Variants in KIF13B observed in about 807,000 individuals in gnomAD.
KIF13B encodes the protein kinesin family member 13B.
KIF13B carries 127 observed loss-of-function variants against 222.0 expected under a neutral mutation model. The ratio of observed to expected loss-of-function variants is 0.57; its 90% CI spans 0.50 to 0.66. The LOEUF is 0.66. Ranked by LOEUF, KIF13B falls within the 30% of genes least tolerant of loss-of-function variation. The probability of loss-of-function intolerance (pLI) is 0.00; values close to 1 mark genes in which losing one functional copy is unlikely to be tolerated. For synonymous variants in KIF13B, 976 were observed against 919.0 expected, an observed-to-expected ratio of 1.06 and a Z score of -1.12; for missense variants, 2,173 against 2,379.0, an observed-to-expected ratio of 0.91 and a Z score of 1.80.
chr8:29,197,561 T>C (rs1314558560), intron 2 of KIF13B, among the ~76,000 whole-genome samples: 1 of 152,108 alleles, frequency 6.6e-6, no homozygotes, highest in Non-Finnish European at 1.5e-5. Flanking sequence ...TGTTTTTTTT[T>C]CCTGAACCAT....
Position 29,179,696 on chromosome 8 carries a change from T to C in KIF13B, c.720+408A>G, listed in dbSNP as rs925592441. Among the ~76,000 whole-genome samples the C allele has an allele frequency of 2.6e-5, 4 of 152,182 alleles. No individual in the cohort carries two copies. The South Asian group carries it at 8.3e-4, about 32-fold the overall frequency. On this transcript the variant is annotated intron_variant, in intron 8 of 39. Coordinates refer to ENST00000524189, the MANE Select transcript of KIF13B (RefSeq NM_015254.4). ...GCGGGACTGGGGAAATGCAAGCACATTCTCCAGGTTCCAGGGTGCTACGAG... is the reference window on the plus strand; with the variant it reads ...GCGGGACTGGGGAAATGCAAGCACACTCTCCAGGTTCCAGGGTGCTACGAG...
chr8:29,123,142 A>G (rs1191921887), intron 28 of KIF13B, among the ~76,000 whole-genome samples: 1 of 152,240 alleles, frequency 6.6e-6, no homozygotes, highest in African/African-American at 2.4e-5. Flanking sequence ...TTAAGTTCTC[A>G]GAAATCTTAA....
chr8:29,079,694 C>T (rs1434217333), intron 37 of KIF13B, among the ~76,000 whole-genome samples: 1 of 152,166 alleles, frequency 6.6e-6, no homozygotes, highest in Non-Finnish European at 1.5e-5. Context: ...TTTTCTGATG[C>T]ATATTTTTTA....
intron 18 of KIF13B, 69 bp from the exon 19 acceptor site, chr8:29,142,372 C>A: frequency 7.4e-7 from 1 of 1,359,806 alleles, no homozygotes; most frequent in South Asian, 1.3e-5. Context: ...GACAATTCCA[C>A]CCCCATCAGT....
intron 31 of KIF13B, among the ~76,000 whole-genome samples, chr8:29,116,256 T>C (rs554824133): frequency 2.0e-5 from 3 of 152,064 alleles, no homozygotes; most frequent in African/African-American, 7.2e-5. Flanking sequence ...CTGCAAGAGG[T>C]AAAAGGTCTG....
rs10110171 is a variant in KIF13B at position 29,176,017 on chromosome 8, T to C, written c.945+51A>G. 3,181 of 1,086,578 alleles carry C rather than the reference T, an allele frequency of 2.9e-3. 54 individuals carry two copies. In the African/African-American group the frequency reaches 0.042, roughly 14 times the overall value. The allele number at this position is 1,086,578 out of a possible 1,614,324, so 67.3% of individuals were successfully genotyped here. Reference sequence around the variant, plus strand: ...TTAACAGTCTACTCTTTTTTCTTCCTTCTTGCCAACCACCAAAAGTATGCC... The same window carrying C: ...TTAACAGTCTACTCTTTTTTCTTCCCTCTTGCCAACCACCAAAAGTATGCC... On this transcript the variant is annotated intron_variant, in intron 10 of 39. Transcript: ENST00000524189.
At chr8:29,236,120 G>A (rs1054583885) in intron 2 of KIF13B, among the ~76,000 whole-genome samples, 21 of 151,832 alleles carry the variant, frequency 1.4e-4, no homozygotes, top group Admixed American at 5.9e-4. Flanking sequence ...AACAAACTTC[G>A]GGGAAAAAAA....
intron 9 of KIF13B, among the ~76,000 whole-genome samples, chr8:29,176,762 C>G (rs1216766120): frequency 6.6e-6 from 1 of 151,950 alleles, no homozygotes; most frequent in Non-Finnish European, 1.5e-5. Flanking sequence ...TGACCCAAAA[C>G]AGCAATAGGG....
At chr8:29,140,281 T>C in intron 20 of KIF13B, 90 bp from the exon 21 acceptor site, 1 of 1,547,738 alleles carries the variant, frequency 6.5e-7, no homozygotes. Flanking sequence ...AGTCAAGTTG[T>C]CAGGTTAATG....
Position 29,172,391 on chromosome 8 carries a change from C to T in KIF13B, c.945+3677G>A, listed in dbSNP as rs572726477. On this transcript the variant is annotated intron_variant, in intron 10 of 39. Coordinates refer to ENST00000524189, the MANE Select transcript of KIF13B (RefSeq NM_015254.4). ...GCCACCATGCCCAGCCAATCACATA[C>T]ATTTTTAAGGAAAAAGATAATGACA... is the stretch of plus-strand genomic sequence containing the variant. Among the ~76,000 whole-genome samples the T allele has an allele frequency of 5.3e-5, 8 of 152,184 alleles. No individual in the cohort carries two copies. In the East Asian group the frequency reaches 1.4e-3, roughly 26 times the overall value.
At chr8:29,218,341 A>G (rs974478985) in intron 2 of KIF13B, among the ~76,000 whole-genome samples, 9 of 152,208 alleles carry the variant, frequency 5.9e-5, no homozygotes, top group Non-Finnish European at 8.8e-5. Context: ...AGCTTTCCTC[A>G]TAAGCCGCAC....
intron 2 of KIF13B, among the ~76,000 whole-genome samples, chr8:29,228,472 A>AAAAAAAAAAAAAAGTATAT: frequency 8.5e-6 from 1 of 117,084 alleles, no homozygotes; most frequent in African/African-American, 3.3e-5. Context: ...ATCTTAAAAA[A>AAAAAAAAAAAAAAGTATAT]ATATATATAT....
intron 31 of KIF13B, among the ~76,000 whole-genome samples, chr8:29,115,326 A>ATT (rs371020041): frequency 7.3e-4 from 103 of 141,272 alleles, no homozygotes; most frequent in Admixed American, 1.8e-3. Context: ...AAAAAAAAGA[A>ATT]TTTTTTTTTT....
chr8:29,245,563 T>A lies in KIF13B; in HGVS notation c.56-124A>T. ...ATGCAAACACTCAATGAAGTAGGAATAAAAAAAACTTCCTCCACTTGATAA... is the reference window on the plus strand; with the variant it reads ...ATGCAAACACTCAATGAAGTAGGAAAAAAAAAAACTTCCTCCACTTGATAA... On this transcript the variant is annotated intron_variant, in intron 1 of 39. Coordinates refer to ENST00000524189, the MANE Select transcript of KIF13B (RefSeq NM_015254.4). 1 of 660,348 alleles carries A rather than the reference T, an allele frequency of 1.5e-6. No individual in the cohort carries two copies. The highest frequency in any genetic ancestry group is 3.1e-4 in the Middle Eastern group (1 of 3,228). 40.9% of individuals were successfully genotyped at this position (660,348 alleles called of 1,614,324 possible).
In KIF13B at chr8:29,228,472, A is replaced by AATATATATATAT. The variant is rs1491523107; in HGVS notation, c.149+16862_149+16873dup. Among the ~76,000 whole-genome samples, 458 of 117,064 alleles carry AATATATATATAT rather than the reference A, an allele frequency of 3.9e-3. 13 individuals carry two copies. Among genetic ancestry groups the AATATATATATAT allele is most frequent in the Admixed American group, 8.0e-3 (89 of 11,190 alleles). The allele number at this position is 117,064 out of a possible 152,430, so 76.8% of individuals were successfully genotyped here. A position where few individuals can be genotyped will look rare whatever the true frequency, so the allele number is the denominator to read the frequency against. Reference sequence around the variant, plus strand: ...ACAGAGCCAGACTCCATCTTAAAAAAATATATATATATATATATGAGATAC... The same window carrying AATATATATATAT: ...ACAGAGCCAGACTCCATCTTAAAAAAATATATATATATATATATATATATATATATGAGATAC... On this transcript the variant is annotated intron_variant, in intron 2 of 39. Transcript: ENST00000524189.
At position 29,140,602 on chromosome 8, in the gene KIF13B, A is replaced by G; in HGVS notation, c.2350T>C (p.Phe784Leu). ...EEDNPVIRSY[F>L]KRADPFYDEQ... ...TCATAGAATGGATCAGCACGTTTGAAGTATGATCGTATTACCTGTAAAGAG... is the reference window on the plus strand; with the variant it reads ...TCATAGAATGGATCAGCACGTTTGAGGTATGATCGTATTACCTGTAAAGAG... The change falls in exon 20 of 40, where the codon TTC (phenylalanine) becomes CTC (leucine). Residue 784 changes from phenylalanine to leucine, a missense_variant. Around this residue, in one of 2 missense-constraint regions of KIF13B, gnomAD observed 1,480 missense variants for 1,722.8 expected, o/e 0.86. Coordinates refer to ENST00000524189, the MANE Select transcript of KIF13B (RefSeq NM_015254.4). 6.2e-7 allele frequency: 1 copy of G among 1,613,256 alleles called. No individual in the cohort carries two copies. Among genetic ancestry groups the G allele is most frequent in the Non-Finnish European group, 8.5e-7 (1 of 1,179,594 alleles).
intron 21 of KIF13B, among the ~76,000 whole-genome samples, chr8:29,139,050 A>G (rs182483013): frequency 1.3e-4 from 20 of 152,278 alleles, no homozygotes; most frequent in African/African-American, 4.1e-4. Context: ...GGAGGGGGGC[A>G]GCACAGAAGT....
At chr8:29,144,643 G>A (rs938307525) in intron 18 of KIF13B, among the ~76,000 whole-genome samples, 1 of 152,132 alleles carries the variant, frequency 6.6e-6, no homozygotes, top group Admixed American at 6.6e-5. Flanking sequence ...TGACCTGTGT[G>A]GGTAGTGGCT....
chr8:29,122,447 C>T, intron 29 of KIF13B, 144 bp downstream of exon 29: 3 of 668,974 alleles, frequency 4.5e-6, no homozygotes, highest in Non-Finnish European at 8.1e-6. Flanking sequence ...AGTCCGTCTG[C>T]AACCAGGAGA....
Sources: gnomAD v4.1 joint callset for allele counts (sites outside exome capture counted in the v4.1 genomes callset) on GRCh38, gnomAD v4.1.1 for gene constraint, gnomAD v4.1.1 regional missense constraint, MANE v1.5 for transcripts, NCBI Gene and HGNC (gene_info 2026-07-23, HGNC 2026-07-21) for gene names.